Variants in PCDH15 observed in about 807,000 individuals in gnomAD.
PCDH15 encodes the protein protocadherin-15.
In PCDH15, 129 loss-of-function variants were observed where a neutral mutation model predicts 178.5. The observed-to-expected ratio is 0.72, with a 90% CI of 0.63 to 0.84. PCDH15 has a LOEUF of 0.84. Among genes scored for constraint, PCDH15 ranks in the 40% least tolerant of loss-of-function variants. The pLI is 0.00. For synonymous variants in PCDH15, 800 were observed against 732.0 expected (o/e 1.09, Z -1.50); for missense variants, 2,230 against 2,099.9 (o/e 1.06, Z -1.21).
chr10:55,347,350 CT>C (rs1443338102), intron 2 of PCDH15, among the ~76,000 whole-genome samples: 1 of 152,014 alleles, frequency 6.6e-6, no homozygotes, highest in Admixed American at 6.6e-5. Flanking sequence ...AGCTAGTGAA[CT>C]GTTGGTTTTT....
intron 2 of PCDH15, among the ~76,000 whole-genome samples, chr10:55,582,618 A>ATCT (rs1182758362): frequency 1.1e-5 from 1 of 88,178 alleles, no homozygotes; most frequent in Non-Finnish European, 2.0e-5. Context: ...ATATATATAT[A>ATCT]TATATATATA....
intron 1 of PCDH15, among the ~76,000 whole-genome samples, chr10:55,289,277 T>C (rs1354760900): frequency 2.0e-5 from 3 of 152,000 alleles, no homozygotes; most frequent in Non-Finnish European, 2.9e-5. Context: ...TCATACCATT[T>C]TATGTTTATG....
rs73254005 is a variant in PCDH15 at position 54,827,428 on chromosome 10, A to C, written c.-29+70022T>G. Among the ~76,000 whole-genome samples the C allele has an allele frequency of 3.7e-3, 562 of 152,194 alleles. 1 individual carries two copies. Among genetic ancestry groups the C allele is most frequent in the African/African-American group, 0.013 (540 of 41,564 alleles). ...TGACTACAACATGATCCATTGAAAAAATATTTTTATTAGCCTCCTGAGCCT... is the reference window on the plus strand; with the variant it reads ...TGACTACAACATGATCCATTGAAAACATATTTTTATTAGCCTCCTGAGCCT... On this transcript the variant is annotated intron_variant, in intron 3 of 5. Coordinates refer to the PCDH15 transcript ENST00000458638.
In PCDH15 at chr10:54,392,061, T is replaced by G. The variant is rs114717501; in HGVS notation, c.158-13119A>C. On this transcript the variant is annotated intron_variant, in intron 3 of 37. Transcript: ENST00000644397. ...GTTTCCTTTATGTGTCTGTATAAAATCAACTTTTAGTTATATAATTTGCTC... is the reference window on the plus strand; with the variant it reads ...GTTTCCTTTATGTGTCTGTATAAAAGCAACTTTTAGTTATATAATTTGCTC... 3.4e-3 allele frequency among the ~76,000 whole-genome samples: 512 copies of G among 152,292 alleles called. 3 individuals carry two copies. The highest frequency in any genetic ancestry group is 0.012 in the African/African-American group (502 of 41,554).
chr10:55,466,634 G>T (rs1565169014), intron 2 of PCDH15, among the ~76,000 whole-genome samples: 1 of 152,112 alleles, frequency 6.6e-6, no homozygotes, highest in African/African-American at 2.4e-5. Context: ...AATTGGAATG[G>T]AGAAGAAGGA....
chr10:54,129,451 G>A (rs12251670), intron 15 of PCDH15, among the ~76,000 whole-genome samples: 4,330 of 152,206 alleles, frequency 0.028, 222 homozygotes, highest in African/African-American at 0.097. Context: ...CTATTCTGAA[G>A]GGAAGTAGAA....
At chr10:55,115,470 T>C (rs1330637433) in intron 2 of PCDH15, among the ~76,000 whole-genome samples, 1 of 152,218 alleles carries the variant, frequency 6.6e-6, no homozygotes, top group African/African-American at 2.4e-5. Context: ...GTGGACTGTA[T>C]TGTGACTGTG....
chr10:54,479,016 A>G (rs142650409), intron 3 of PCDH15, among the ~76,000 whole-genome samples: 5,362 of 151,876 alleles, frequency 0.035, 145 homozygotes, highest in South Asian at 0.11. Flanking sequence ...AAAAAAAAAA[A>G]AAAGAAAGAA....
At chr10:55,502,455 G>A (rs751271390) in intron 2 of PCDH15, among the ~76,000 whole-genome samples, 3 of 151,698 alleles carry the variant, frequency 2.0e-5, no homozygotes, top group South Asian at 2.1e-4. Context: ...ATGATCACAC[G>A]CATATCTCCA....
intron 3 of PCDH15, among the ~76,000 whole-genome samples, chr10:54,420,738 G>A (rs1955152259): frequency 6.6e-6 from 1 of 152,056 alleles, no homozygotes; most frequent in Admixed American, 6.6e-5. Flanking sequence ...CTGGGACTCT[G>A]ATTATAGCAA....
At chr10:54,465,997 T>A in intron 3 of PCDH15, among the ~76,000 whole-genome samples, 1 of 152,012 alleles carries the variant, frequency 6.6e-6, no homozygotes, top group Admixed American at 6.6e-5. Flanking sequence ...TGATTAGTGA[T>A]ATTGAACATT....
rs147779755 is a variant in PCDH15 at position 54,598,488 on chromosome 10, C to T, written c.91+65684G>A. Among the ~76,000 whole-genome samples the T allele has an allele frequency of 4.9e-3, 745 of 152,162 alleles. 5 individuals are homozygous for T. The highest frequency in any genetic ancestry group is 0.02 in the Middle Eastern group (6 of 294). On this transcript the variant is annotated intron_variant, in intron 2 of 37. Transcript: ENST00000644397. ...GGAATATACCTCAAAATAATAAGAG[C>T]CATATATTGCAAACCCACAGCCAAC...
rs1954117425 is a variant in PCDH15 at position 54,875,188 on chromosome 10, A to G, written c.-29+22262T>C. Among the ~76,000 whole-genome samples, 4 of 152,256 alleles carry G rather than the reference A, an allele frequency of 2.6e-5. No individual in the cohort carries two copies. In the South Asian group the frequency reaches 8.3e-4, roughly 32 times the overall value. Reference sequence around the variant, plus strand: ...TTCAAACTTTGATCATTGTGATTACATGTGTTATGGTTATCTGTGATCACT... The same window carrying G: ...TTCAAACTTTGATCATTGTGATTACGTGTGTTATGGTTATCTGTGATCACT... On this transcript the variant is annotated intron_variant, in intron 3 of 5. Coordinates refer to the PCDH15 transcript ENST00000458638.
At chr10:54,256,950 A>T (rs966494436) in intron 8 of PCDH15, among the ~76,000 whole-genome samples, 4 of 152,122 alleles carry the variant, frequency 2.6e-5, no homozygotes, top group Admixed American at 6.6e-5. Context: ...CAGTAAAATA[A>T]CAATGTCTAT....
chr10:54,574,360 G>T (rs1329358688), intron 2 of PCDH15, among the ~76,000 whole-genome samples: 1 of 150,294 alleles, frequency 6.7e-6, no homozygotes, highest in African/African-American at 2.4e-5. Context: ...ATTTCTGAGG[G>T]CTCTGTTCTG....
At chr10:54,345,468 C>T (rs1018439725) in intron 6 of PCDH15, among the ~76,000 whole-genome samples, 12 of 151,514 alleles carry the variant, frequency 7.9e-5, no homozygotes, top group Admixed American at 7.2e-4. Context: ...TTTGGGGGGC[C>T]CGTGGGATTT....
At position 53,864,909 on chromosome 10, in the gene PCDH15, C is replaced by A. The variant is rs561094809; in HGVS notation, c.3717+1733G>T. On this transcript the variant is annotated intron_variant, in intron 27 of 37. Transcript: ENST00000644397. Reference sequence around the variant, plus strand: ...TTCAATTCTTTGTTCAAAACACCAACGACATGGACAATTCACACTCAAAGC... The same window carrying A: ...TTCAATTCTTTGTTCAAAACACCAAAGACATGGACAATTCACACTCAAAGC... 1.1e-4 allele frequency among the ~76,000 whole-genome samples: 16 copies of A among 152,240 alleles called. No homozygotes were observed. The South Asian group carries it at 1.9e-3, about 18-fold the overall frequency.
chr10:54,854,441 G>C (rs115252505), intron 3 of PCDH15, among the ~76,000 whole-genome samples: 1 of 152,170 alleles, frequency 6.6e-6, no homozygotes, highest in South Asian at 2.1e-4. Flanking sequence ...GGAAGAATGA[G>C]GTACATAGAC....
intron 20 of PCDH15, among the ~76,000 whole-genome samples, chr10:53,997,817 T>A (rs1429010870): frequency 6.6e-6 from 1 of 152,180 alleles, no homozygotes; most frequent in Non-Finnish European, 1.5e-5. Flanking sequence ...CCCTTTATTT[T>A]CTATTGACAG....
Sources: gnomAD v4.1 joint callset for allele counts (sites outside exome capture counted in the v4.1 genomes callset) on GRCh38, gnomAD v4.1.1 for gene constraint, MANE v1.5 for transcripts, NCBI Gene and HGNC (gene_info 2026-07-23, HGNC 2026-07-21) for gene names.